Variants in CNTN4 observed in about 807,000 individuals in gnomAD.
CNTN4 encodes the protein contactin-4.
CNTN4 carries 77 observed loss-of-function variants against 122.5 expected under a neutral mutation model. The observed-to-expected ratio is 0.63, with a 90% confidence interval of 0.52 to 0.76. The LOEUF is 0.76. Among genes scored for constraint, CNTN4 ranks in the 30% least tolerant of loss-of-function variants. CNTN4 has a pLI of 0.00. For synonymous variants in CNTN4, 512 were observed against 447.0 expected (o/e 1.15, Z -1.83); for missense variants, 1,256 against 1,259.1 (o/e 1.00, Z 0.04).
At chr3:2,777,007 C>T (rs2091348940) in intron 6 of CNTN4, among the ~76,000 whole-genome samples, 1 of 151,628 alleles carries the variant, frequency 6.6e-6, no homozygotes, top group Non-Finnish European at 1.5e-5. Flanking sequence ...TTAAGACAGA[C>T]TCTCACTTTA....
rs1694779054 is a variant in CNTN4 at position 2,988,487 on chromosome 3, A to G, written c.1486+15A>G. On this transcript the variant is annotated intron_variant, in intron 14 of 24. Transcript: ENST00000418658. ...GGTAGTGAAAGGTAATGGCTAACCCAAAGAATTCGAATATTTATATATGTG... is the reference window on the plus strand; with the variant it reads ...GGTAGTGAAAGGTAATGGCTAACCCGAAGAATTCGAATATTTATATATGTG... 3 of 1,613,382 alleles carry G rather than the reference A, an allele frequency of 1.9e-6. No individual in the cohort carries two copies. The highest frequency in any genetic ancestry group is 2.5e-6 in the Non-Finnish European group (3 of 1,179,424).
chr3:2,162,332 G>A (rs1257617225), intron 2 of CNTN4, among the ~76,000 whole-genome samples: 1 of 152,202 alleles, frequency 6.6e-6, no homozygotes, highest in African/African-American at 2.4e-5. Context: ...GCACATGCAT[G>A]CATGTTTTAA....
chr3:3,052,594 T>C (rs1305080583), intron 23 of CNTN4, among the ~76,000 whole-genome samples: 1 of 152,190 alleles, frequency 6.6e-6, no homozygotes, highest in Non-Finnish European at 1.5e-5. Context: ...CAGACCTGTA[T>C]ATTTTGTTCC....
At chr3:2,749,281 C>G (rs1004294071) in intron 6 of CNTN4, among the ~76,000 whole-genome samples, 2 of 151,952 alleles carry the variant, frequency 1.3e-5, no homozygotes, top group African/African-American at 4.8e-5. Flanking sequence ...CTGCCTCAGC[C>G]TCCAAAGTAG....
chr3:2,528,007 C>T (rs17563282), intron 3 of CNTN4, among the ~76,000 whole-genome samples: 6,746 of 152,154 alleles, frequency 0.044, 214 homozygotes, highest in African/African-American at 0.086. Context: ...TGGTCATAGA[C>T]TTTTTCTGTG....
At position 2,762,964 on chromosome 3, in the gene CNTN4, C is replaced by T. The variant is rs575977492; in HGVS notation, c.358+17267C>T. Among the ~76,000 whole-genome samples, 32 of 93,218 alleles carry T rather than the reference C, an allele frequency of 3.4e-4. 1 individual carries two copies. In the Admixed American group the frequency reaches 4.1e-3, roughly 12 times the overall value. The allele number at this position is 93,218 out of a possible 152,430, so 61.2% of individuals were successfully genotyped here. A position where few individuals can be genotyped will look rare whatever the true frequency, so the allele number is the denominator to read the frequency against. ...TTTTTTTTTTTTTTTTTTTTTTAGA[C>T]TGAGTCTCGCTGTGTCGCGCAGGCT... On this transcript the variant is annotated intron_variant, in intron 6 of 24. Coordinates refer to ENST00000418658, the MANE Select transcript of CNTN4 (RefSeq NM_175607.3).
intron 2 of CNTN4, among the ~76,000 whole-genome samples, chr3:2,136,612 A>G (rs1411557413): frequency 6.6e-6 from 1 of 152,066 alleles, no homozygotes; most frequent in East Asian, 1.9e-4. Context: ...AAGATGTTGT[A>G]TTTGAGAAGC....
chr3:2,374,207 G>A (rs2045736846), intron 3 of CNTN4, among the ~76,000 whole-genome samples: 1 of 152,128 alleles, frequency 6.6e-6, no homozygotes, highest in Admixed American at 6.6e-5. Context: ...ATAGATTGTG[G>A]AATGAATTGG....
chr3:2,590,930 A>G (rs977180093), intron 4 of CNTN4, among the ~76,000 whole-genome samples: 1 of 152,188 alleles, frequency 6.6e-6, no homozygotes. Context: ...AAATTAAGGT[A>G]TACACTTTGA....
chr3:2,121,706 T>C (rs972534921), intron 2 of CNTN4, among the ~76,000 whole-genome samples: 1 of 152,080 alleles, frequency 6.6e-6, no homozygotes, highest in African/African-American at 2.4e-5. Flanking sequence ...ATTGTTGAAA[T>C]GAAGAGAAAG....
At chr3:2,423,323 A>C (rs1369526139) in intron 3 of CNTN4, among the ~76,000 whole-genome samples, 3 of 152,160 alleles carry the variant, frequency 2.0e-5, no homozygotes. Flanking sequence ...CGCTCCATTT[A>C]TTCATTATAG....
intron 24 of CNTN4, among the ~76,000 whole-genome samples, chr3:3,055,570 C>T (rs1701708975): frequency 6.6e-6 from 1 of 152,100 alleles, no homozygotes; most frequent in African/African-American, 2.4e-5. Context: ...AGGATTGAGG[C>T]TATTTTGTTT....
intron 19 of CNTN4, chr3:3,039,746 C>A: frequency 2.5e-6 from 1 of 399,158 alleles, no homozygotes; most frequent in Non-Finnish European, 4.7e-6. Flanking sequence ...GACCGATGTC[C>A]AGTGTTTTTT....
chr3:2,887,032 G>T lies in CNTN4; in HGVS notation c.756-8G>T, dbSNP rs1216038339. ...GTTTGATTCACTCCTTTTTATTCTT[G>T]CTATCAGTCCAGTACCAACTATTAT... On this transcript the variant is annotated splice_polypyrimidine_tract_variant and splice_region_variant and intron_variant, in intron 9 of 24. Coordinates refer to ENST00000418658, the MANE Select transcript of CNTN4 (RefSeq NM_175607.3). The T allele has an allele frequency of 3.1e-6, 5 of 1,612,448 alleles. No individual in the cohort carries two copies. The highest frequency in any genetic ancestry group is 3.4e-6 in the Non-Finnish European group (4 of 1,179,126).
At chr3:2,378,541 T>C (rs1252708372) in intron 3 of CNTN4, among the ~76,000 whole-genome samples, 1 of 152,188 alleles carries the variant, frequency 6.6e-6, no homozygotes, top group Non-Finnish European at 1.5e-5. Context: ...ATTCATTTAT[T>C]TTTTATTCAA....
intron 3 of CNTN4, among the ~76,000 whole-genome samples, chr3:2,374,754 C>G (rs527712512): frequency 2.6e-5 from 4 of 152,178 alleles, no homozygotes; most frequent in Non-Finnish European, 4.4e-5. Flanking sequence ...TATTGAATTC[C>G]AAAACTATCA....
Position 2,238,753 on chromosome 3 carries a change from A to C in CNTN4, c.-144-100425A>C. ...GCTCTGTGTTTTTTTTTTGAGACGG[A>C]GTCTGGCCCTGTCGCCCAGGCTGGA... On this transcript the variant is annotated intron_variant, in intron 2 of 24. Transcript: ENST00000418658. 2 of 57,622 alleles carry C rather than the reference A, an allele frequency of 3.5e-5. 1 individual carries two copies. The highest frequency in any genetic ancestry group is 7.9e-5 in the Non-Finnish European group (2 of 25,354). 3.6% of individuals were successfully genotyped at this position (57,622 alleles called of 1,614,324 possible). A position where few individuals can be genotyped will look rare whatever the true frequency, so the allele number is the denominator to read the frequency against.
At chr3:2,762,972 C>T (rs886407016) in intron 6 of CNTN4, among the ~76,000 whole-genome samples, 5 of 125,442 alleles carry the variant, frequency 4.0e-5, no homozygotes, top group Admixed American at 2.8e-4. Flanking sequence ...GACTGAGTCT[C>T]GCTGTGTCGC....
chr3:2,464,293 G>A (rs141533942), intron 3 of CNTN4, among the ~76,000 whole-genome samples: 5 of 152,120 alleles, frequency 3.3e-5, no homozygotes, highest in Non-Finnish European at 2.9e-5. Context: ...AGGAGAATCC[G>A]CAGTTAGCTC....
Sources: allele counts gnomAD v4.1 joint callset (sites outside exome capture counted in the v4.1 genomes callset), GRCh38; gene constraint gnomAD v4.1.1; transcripts MANE v1.5; gene names NCBI Gene and HGNC (gene_info 2026-07-23, HGNC 2026-07-21).